PPARGC1A: variants seen among roughly 807,000 people sequenced by gnomAD.
PPARGC1A encodes PPARG coactivator 1 alpha, also known as peroxisome proliferator-activated receptor gamma coactivator 1-alpha.
In PPARGC1A, 25 loss-of-function variants were observed where a neutral mutation model predicts 88.7. The ratio of observed to expected loss-of-function variants is 0.28; its 90% confidence interval spans 0.21 to 0.39. The LOEUF (loss-of-function observed/expected upper bound fraction) is 0.39. Among genes scored for constraint, PPARGC1A ranks in the 10% least tolerant of loss-of-function variants. The probability of loss-of-function intolerance (pLI) is 1.00; values close to 1 mark genes in which losing one functional copy is unlikely to be tolerated. For missense variants in PPARGC1A, 880 were observed against 968.7 expected (o/e 0.91, Z 1.22); for synonymous variants, 363 against 355.6 (o/e 1.02, Z -0.24).
At chr4:23,953,098 GTAAA>G in the PPARGC1A span, among the ~76,000 whole-genome samples, 1 of 152,012 alleles carries the variant, frequency 6.6e-6, no homozygotes, top group African/African-American at 2.4e-5. Flanking sequence ...TCTGAAAATA[GTAAA>G]TAAATAAATA....
chr4:24,133,896 C>G, the PPARGC1A span, among the ~76,000 whole-genome samples: 3 of 152,218 alleles, frequency 2.0e-5, no homozygotes, highest in Non-Finnish European at 4.4e-5. Context: ...AAATCCTAAA[C>G]TGTCCCTTCA....
At chr4:24,444,895 T>C in the PPARGC1A span, among the ~76,000 whole-genome samples, 17 of 151,720 alleles carry the variant, frequency 1.1e-4, 4 homozygotes, top group Admixed American at 7.2e-4. Flanking sequence ...TCTAGAAAAG[T>C]TGTAAAAATT....
the PPARGC1A span, among the ~76,000 whole-genome samples, chr4:24,305,555 G>A: frequency 6.3e-4 from 96 of 152,328 alleles, no homozygotes; most frequent in Middle Eastern, 0.02. Context: ...GCTCATGCCT[G>A]TAATCCCAGC....
chr4:24,336,330 G>A, the PPARGC1A span, among the ~76,000 whole-genome samples: 6 of 152,118 alleles, frequency 3.9e-5, no homozygotes, highest in Admixed American at 1.3e-4. Flanking sequence ...CTCGAGCTGG[G>A]ATATTTTCTC....
chr4:24,174,068 G>A, the PPARGC1A span, among the ~76,000 whole-genome samples: 18 of 152,178 alleles, frequency 1.2e-4, no homozygotes, highest in Non-Finnish European at 2.4e-4. Flanking sequence ...GCTGAGCCAC[G>A]CTGTGATGGT....
the PPARGC1A span, among the ~76,000 whole-genome samples, chr4:24,176,680 T>C: frequency 6.6e-6 from 1 of 152,082 alleles, no homozygotes; most frequent in Non-Finnish European, 1.5e-5. Flanking sequence ...CGTAACACTC[T>C]TGAAAACTCT....
At position 23,812,790 on chromosome 4, in the gene PPARGC1A, G is replaced by T; in HGVS notation, c.1976C>A (p.Ser659Tyr). The change falls in exon 10 of 13, where the codon TCT (serine) becomes TAT (tyrosine). Residue 659 changes from serine (S) to tyrosine (Y), a missense_variant. Coordinates refer to ENST00000264867, the MANE Select transcript of PPARGC1A (RefSeq NM_013261.5). ...EYRREYEKRE[S>Y]ERAKQRERQR... is the part of the protein sequence containing the mutation. ...CCTCTCCCTTTGCTTGGCCCTCTCAGACTCTCGCTTCTCATACTCTCTGCG... is the reference window on the plus strand; with the variant it reads ...CCTCTCCCTTTGCTTGGCCCTCTCATACTCTCGCTTCTCATACTCTCTGCG... 1 of 1,613,950 alleles carries T rather than the reference G, an allele frequency of 6.2e-7. No homozygotes were observed. The highest frequency in any genetic ancestry group is 8.5e-7 in the Non-Finnish European group (1 of 1,179,976).
the PPARGC1A span, among the ~76,000 whole-genome samples, chr4:24,265,602 G>T: frequency 6.6e-6 from 1 of 152,186 alleles, no homozygotes; most frequent in Admixed American, 6.5e-5. Context: ...AAAAAGAAAA[G>T]AAATTCCATA....
chr4:24,462,253 AT>A, the PPARGC1A span, among the ~76,000 whole-genome samples: 54,676 of 143,250 alleles, frequency 0.38, 11,771 homozygotes, highest in East Asian at 0.48. Context: ...ACCCGGCTAA[AT>A]TTTTTTTTTT....
At chr4:24,306,357 G>A in the PPARGC1A span, among the ~76,000 whole-genome samples, 1 of 152,136 alleles carries the variant, frequency 6.6e-6, no homozygotes, top group African/African-American at 2.4e-5. Context: ...TCAGTACTCT[G>A]GGTTTCATTC....
the PPARGC1A span, among the ~76,000 whole-genome samples, chr4:24,186,624 T>G: frequency 6.6e-6 from 1 of 152,020 alleles, no homozygotes. Flanking sequence ...TCCATAAACA[T>G]TTGCTGCTAT....
chr4:24,209,509 G>A, the PPARGC1A span, among the ~76,000 whole-genome samples: 1 of 152,300 alleles, frequency 6.6e-6, no homozygotes, highest in Non-Finnish European at 1.5e-5. Context: ...ACAGGGCACA[G>A]CACAGCCCCT....
chr4:24,254,769 T>C, the PPARGC1A span, among the ~76,000 whole-genome samples: 1 of 152,198 alleles, frequency 6.6e-6, no homozygotes, highest in Non-Finnish European at 1.5e-5. Flanking sequence ...TTATTGAAAT[T>C]CCATAGTGTA....
chr4:23,845,571 T>C (rs980598994), intron 2 of PPARGC1A, among the ~76,000 whole-genome samples: 10 of 152,132 alleles, frequency 6.6e-5, no homozygotes, highest in African/African-American at 2.2e-4. Context: ...TGAGGCCATC[T>C]AGGGTGAAAG....
chr4:23,899,681 G>A (rs887214870), upstream of PPARGC1A, among the ~76,000 whole-genome samples: 1 of 152,124 alleles, frequency 6.6e-6, no homozygotes, highest in Admixed American at 6.5e-5. Flanking sequence ...AGGTGCATAC[G>A]TTATAATTCC....
chr4:24,070,507 G>A, the PPARGC1A span, among the ~76,000 whole-genome samples: 2 of 152,046 alleles, frequency 1.3e-5, no homozygotes, highest in African/African-American at 2.4e-5. Flanking sequence ...CTCTGTGTTC[G>A]GTCAAGACTG....
chr4:24,258,956 A>G, the PPARGC1A span, among the ~76,000 whole-genome samples: 1 of 152,216 alleles, frequency 6.6e-6, no homozygotes, highest in East Asian at 1.9e-4. Context: ...TGTATATGAC[A>G]TAGGTCCTAC....
chr4:23,921,435 G>A, the PPARGC1A span, among the ~76,000 whole-genome samples: 1 of 152,170 alleles, frequency 6.6e-6, no homozygotes. Flanking sequence ...TCCAGTTCTC[G>A]GCCTGAGCCA....
the PPARGC1A span, among the ~76,000 whole-genome samples, chr4:24,401,041 CAG>C: frequency 2.4e-4 from 22 of 90,764 alleles, no homozygotes; most frequent in South Asian, 5.1e-3. Flanking sequence ...TTTTTTGAGA[CAG>C]AGTCTCGCTC....
Sources: gnomAD v4.1 joint callset for allele counts (sites outside exome capture counted in the v4.1 genomes callset) on GRCh38, gnomAD v4.1.1 for gene constraint, MANE v1.5 for transcripts, NCBI Gene and HGNC (gene_info 2026-07-23, HGNC 2026-07-21) for gene names.